The following SLC5A10 variants were observed in gnomAD, a reference collection of about 807,000 sequenced individuals.
The protein encoded by SLC5A10 is solute carrier family 5 member 10, also known as sodium/mannose cotransporter SLC5A10.
SLC5A10 carries 55 observed loss-of-function variants against 68.9 expected under a neutral mutation model. The ratio of observed to expected loss-of-function variants is 0.80; its 90% CI spans 0.64 to 1.00. The LOEUF is 1.00. Among genes scored for constraint, SLC5A10 ranks in the 50% least tolerant of loss-of-function variants. SLC5A10 has a pLI of 0.00. For synonymous variants in SLC5A10, 344 were observed against 344.8 expected (o/e 1.00, Z 0.02); for missense variants, 732 against 819.3 (o/e 0.89, Z 1.30).
intron 10 of SLC5A10, 77 bp downstream of exon 10, chr17:19,013,594 A>T: frequency 5.0e-6 from 2 of 401,744 alleles, no homozygotes; most frequent in South Asian, 6.6e-5. Context: ...GGGACTGTGG[A>T]GGCTGCCACT....
rs1052303661 is a variant in SLC5A10 at position 19,000,128 on chromosome 17, A to C, written c.983-13282A>C. 6.6e-6 allele frequency among the ~76,000 whole-genome samples: 1 copy of C among 152,206 alleles called. No individual in the cohort carries two copies. On this transcript the variant is annotated intron_variant, in intron 9 of 14. Coordinates refer to ENST00000395645, the MANE Select transcript of SLC5A10 (RefSeq NM_001042450.4). This position sits in a 1 kb window ranked among gnomAD's most constrained non-coding sequence, Gnocchi z 5.2. Reference sequence around the variant, plus strand: ...TCCTCTGGTATGTAGTTGGAACCCCACAGCAGGTTTTTTCCCAGATAAATC... The same window carrying C: ...TCCTCTGGTATGTAGTTGGAACCCCCCAGCAGGTTTTTTCCCAGATAAATC...
intron 9 of SLC5A10, among the ~76,000 whole-genome samples, chr17:18,993,537 C>G (rs2043485240): frequency 6.6e-6 from 1 of 152,152 alleles, no homozygotes; most frequent in African/African-American, 2.4e-5. Flanking sequence ...AGAGAGGCGG[C>G]CATATTCTCT....
intron 2 of SLC5A10, 123 bp downstream of exon 2, chr17:18,958,876 C>A: frequency 8.8e-7 from 1 of 1,140,938 alleles, no homozygotes; most frequent in South Asian, 1.4e-5. Context: ...CGGAGGCTGG[C>A]AGGAGGTCCC....
intron 9 of SLC5A10, among the ~76,000 whole-genome samples, chr17:18,994,914 C>G (rs766903425): frequency 6.6e-6 from 1 of 152,188 alleles, no homozygotes; most frequent in Non-Finnish European, 1.5e-5. Flanking sequence ...TTCCTTTGGC[C>G]TGGGGTCCAT....
intron 9 of SLC5A10, among the ~76,000 whole-genome samples, chr17:18,992,663 C>A (rs920695580): frequency 1.3e-5 from 2 of 152,222 alleles, no homozygotes; most frequent in Non-Finnish European, 2.9e-5. Flanking sequence ...AAGCTCTAGG[C>A]TGGGCTTTGG....
chr17:19,010,454 C>T (rs60797930), intron 9 of SLC5A10, among the ~76,000 whole-genome samples: 7,929 of 152,208 alleles, frequency 0.052, 317 homozygotes, highest in East Asian at 0.14. Context: ...GCTCTGCCTC[C>T]CCGGGGCTGC....
At chr17:18,991,449 C>T (rs573182687) in intron 9 of SLC5A10, among the ~76,000 whole-genome samples, 15 of 152,322 alleles carry the variant, frequency 9.8e-5, no homozygotes, top group African/African-American at 2.6e-4. Flanking sequence ...AGATGCTTCA[C>T]GTAGCCCCAA....
chr17:18,969,309 G>A (rs553150424), intron 6 of SLC5A10, 33 bp from the exon 7 acceptor site: 2 of 1,608,702 alleles, frequency 1.2e-6, no homozygotes, highest in African/African-American at 1.3e-5. Flanking sequence ...CTGGGGCCAG[G>A]GCCCCCTCCA....
At position 19,017,476 on chromosome 17, in the gene SLC5A10, A is replaced by T; in HGVS notation, c.1242-1947A>T. 1 of 1,325,408 alleles carries T rather than the reference A, an allele frequency of 7.5e-7. No individual in the cohort carries two copies. 82.1% of individuals were successfully genotyped at this position (1,325,408 alleles called of 1,614,324 possible). A position where few individuals can be genotyped will look rare whatever the true frequency, so the allele number is the denominator to read the frequency against. On this transcript the variant is annotated intron_variant, in intron 11 of 14. Coordinates refer to ENST00000395645, the MANE Select transcript of SLC5A10 (RefSeq NM_001042450.4). The surrounding 1 kb of genome is among the most constrained non-coding windows in gnomAD (Gnocchi z 5.6). ...GAAGACCAACAGCCCAGAGGCCTGG[A>T]GAGGAGGCCATCGCAGGGCCGGGTG...
At chr17:18,980,486 C>G (rs1012561268) in intron 9 of SLC5A10, among the ~76,000 whole-genome samples, 1 of 152,178 alleles carries the variant, frequency 6.6e-6, no homozygotes, top group Non-Finnish European at 1.5e-5. Context: ...AAGGCCAGGT[C>G]GTCACCGGCC....
In SLC5A10 at chr17:18,958,723, C is replaced by T. The variant is rs2042554235; in HGVS notation, c.153C>T (p.Phe51=). Residue 51 remains phenylalanine (F), a synonymous_variant, in exon 2 of 15, where the codon TTC becomes TTT. Coordinates refer to ENST00000395645, the MANE Select transcript of SLC5A10 (RefSeq NM_001042450.4). ...RASRNTVNGY[F]LAGRDMTWWP... ...GTAGGAACACGGTGAATGGCTACTTCCTGGCAGGCCGGGACATGACGTGGT... is the reference window on the plus strand; with the variant it reads ...GTAGGAACACGGTGAATGGCTACTTTCTGGCAGGCCGGGACATGACGTGGT... The T allele has an allele frequency of 6.2e-7, 1 of 1,614,220 alleles. No homozygotes were observed. The highest frequency in any genetic ancestry group is 2.2e-5 in the East Asian group (1 of 44,886).
chr17:19,019,717 C>T lies in SLC5A10; in HGVS notation c.1415C>T (p.Ala472Val). 6.2e-7 allele frequency: 1 copy of T among 1,609,744 alleles called. No homozygotes were observed. The highest frequency in any genetic ancestry group is 8.5e-7 in the Non-Finnish European group (1 of 1,179,422). ...CCCTGCCTCCCTCCTCCCCAGGGGG[C>T]CTTCTGGGGCCTGATAGCAGGGCTG... ...VFWRRANEQGAFWGLIAGLVV... is the reference protein window; with the variant it reads ...VFWRRANEQGVFWGLIAGLVV... The change falls in exon 13 of 15, where the codon GCC (alanine) becomes GTC (valine). Residue 472 changes from alanine to valine, a missense_variant. By Grantham distance (64) the Ala-to-Val change is moderately conservative. Transcript: ENST00000395645.
chr17:18,983,024 C>T (rs2043177933), intron 9 of SLC5A10, among the ~76,000 whole-genome samples: 1 of 152,360 alleles, frequency 6.6e-6, no homozygotes, highest in South Asian at 2.1e-4. Flanking sequence ...GGAAGTGGCG[C>T]AGTGGGCTGT....
chr17:19,009,534 G>C (rs2043970294), intron 9 of SLC5A10, among the ~76,000 whole-genome samples: 1 of 152,176 alleles, frequency 6.6e-6, no homozygotes, highest in Non-Finnish European at 1.5e-5. Flanking sequence ...AACTGGATTT[G>C]TACTCAGGTC....
chr17:18,982,787 G>A (rs986725275), intron 9 of SLC5A10, among the ~76,000 whole-genome samples: 1 of 152,254 alleles, frequency 6.6e-6, no homozygotes, highest in Admixed American at 6.5e-5. Context: ...AGCCCCTGGA[G>A]TGGGTCTAGG....
rs1042755722 is a variant in SLC5A10 at position 19,003,404 on chromosome 17, C to G, written c.983-10006C>G. On this transcript the variant is annotated intron_variant, in intron 9 of 14. Coordinates refer to ENST00000395645, the MANE Select transcript of SLC5A10 (RefSeq NM_001042450.4). This position sits in a 1 kb window ranked among gnomAD's most constrained non-coding sequence, Gnocchi z 4.5. ...CCCAAGAGGCAGCCAGGGAAAACAG[C>G]AGAGATCCCTAGAAGCCCATGTTGG... The G allele has an allele frequency of 8.5e-5, 97 of 1,145,142 alleles. No homozygotes were observed. Among genetic ancestry groups the G allele is most frequent in the Non-Finnish European group, 1.1e-4 (94 of 863,298 alleles). 70.9% of individuals were successfully genotyped at this position (1,145,142 alleles called of 1,614,324 possible).
chr17:19,014,206 G>A (rs1254983564), intron 10 of SLC5A10, among the ~76,000 whole-genome samples: 7 of 152,148 alleles, frequency 4.6e-5, no homozygotes, highest in Admixed American at 6.5e-5. Flanking sequence ...TAAAATTGCA[G>A]GAGTTCTTGT....
chr17:19,022,076 G>A lies in SLC5A10; in HGVS notation c.*1645G>A. 6.3e-7 allele frequency: 1 copy of A among 1,591,890 alleles called. No individual in the cohort carries two copies. Among genetic ancestry groups the A allele is most frequent in the Non-Finnish European group, 8.5e-7 (1 of 1,169,996 alleles). Reference sequence around the variant, plus strand: ...GGACCTCAATGATGTCGCCACGGCGGAAGCTGAGCTGCGAGGGGTCCTGGG... The same window carrying A: ...GGACCTCAATGATGTCGCCACGGCGAAAGCTGAGCTGCGAGGGGTCCTGGG... On this transcript the variant is annotated 3_prime_UTR_variant, in exon 15 of 15. Transcript: ENST00000395645.
At chr17:18,973,435 G>A (rs2152004110) in intron 8 of SLC5A10, among the ~76,000 whole-genome samples, 1 of 152,364 alleles carries the variant, frequency 6.6e-6, no homozygotes, top group South Asian at 2.1e-4. Flanking sequence ...CAGCATTGGA[G>A]CTGTAGCCTG....
Sources: gnomAD v4.1 joint callset for allele counts (sites outside exome capture counted in the v4.1 genomes callset) on GRCh38, gnomAD v4.1.1 for gene constraint, Gnocchi (gnomAD v3.1) non-coding constraint, MANE v1.5 for transcripts, NCBI Gene and HGNC (gene_info 2026-07-23, HGNC 2026-07-21) for gene names.